Variants in SLC24A2 observed in about 807,000 individuals in gnomAD.
SLC24A2 encodes the protein sodium/potassium/calcium exchanger 2.
In SLC24A2, 36 loss-of-function variants were observed where a neutral mutation model predicts 62.0. The ratio of observed to expected loss-of-function variants is 0.58; its 90% confidence interval spans 0.44 to 0.77. SLC24A2 has a LOEUF of 0.77. Ranked by LOEUF, SLC24A2 falls within the 30% of genes least tolerant of loss-of-function variation. SLC24A2 has a pLI of 0.00. For synonymous variants in SLC24A2, 358 were observed against 294.0 expected (o/e 1.22, Z -2.23); for missense variants, 846 against 817.9 (o/e 1.03, Z -0.42).
the SLC24A2 span, among the ~76,000 whole-genome samples, chr9:20,026,155 TA>T: frequency 6.6e-6 from 1 of 152,126 alleles, no homozygotes. Flanking sequence ...AGACAGAAGT[TA>T]AAAATGCAAC....
chr9:20,034,816 G>T, the SLC24A2 span, among the ~76,000 whole-genome samples: 6 of 152,110 alleles, frequency 3.9e-5, no homozygotes, highest in Admixed American at 3.9e-4. Flanking sequence ...AATGGAACTA[G>T]CACTGATTCC....
chr9:19,912,331 T>G, the SLC24A2 span, among the ~76,000 whole-genome samples: 2 of 152,262 alleles, frequency 1.3e-5, no homozygotes, highest in East Asian at 1.9e-4. Context: ...TAGTGATGGG[T>G]AGCATTTGAA....
the SLC24A2 span, among the ~76,000 whole-genome samples, chr9:20,086,260 T>C: frequency 8.5e-5 from 13 of 152,182 alleles, no homozygotes; most frequent in South Asian, 6.2e-4. Context: ...AAATAGCCCA[T>C]CCTCCCCATT....
the SLC24A2 span, among the ~76,000 whole-genome samples, chr9:20,168,963 T>C: frequency 6.6e-6 from 1 of 151,962 alleles, no homozygotes; most frequent in African/African-American, 2.4e-5. Context: ...TGTCCATCAA[T>C]AGATGAATGC....
chr9:20,052,693 T>C, the SLC24A2 span, among the ~76,000 whole-genome samples: 1 of 152,318 alleles, frequency 6.6e-6, no homozygotes, highest in South Asian at 2.1e-4. Flanking sequence ...CCCTGACTGC[T>C]GTTTCCTGGG....
At position 19,516,408 on chromosome 9, in the gene SLC24A2, C is replaced by T. The variant is rs374451183; in HGVS notation, c.1737-6G>A. 5 of 1,613,360 alleles carry T rather than the reference C, an allele frequency of 3.1e-6. No homozygotes were observed. Among genetic ancestry groups the T allele is most frequent in the Non-Finnish European group, 4.2e-6 (5 of 1,179,862 alleles). On this transcript the variant is annotated splice_polypyrimidine_tract_variant and splice_region_variant and intron_variant, in intron 10 of 10. Transcript: ENST00000341998. ...GGAGCCAGGGCAGTGGGAGCCTGTG[C>T]AGAAGTGAAGCAGGGCAGAGGGGAG... is the stretch of plus-strand genomic sequence containing the variant.
intron 2 of SLC24A2, among the ~76,000 whole-genome samples, chr9:19,769,186 TAC>T (rs1299130701): frequency 6.6e-6 from 1 of 152,224 alleles, no homozygotes; most frequent in African/African-American, 2.4e-5. Flanking sequence ...TTCTTCTAGT[TAC>T]ACAGGACAAA....
At chr9:19,850,389 T>C in the SLC24A2 span, among the ~76,000 whole-genome samples, 19 of 152,160 alleles carry the variant, frequency 1.2e-4, no homozygotes, top group African/African-American at 4.1e-4. Context: ...GATAACAAAC[T>C]TTTTAAATGT....
the SLC24A2 span, among the ~76,000 whole-genome samples, chr9:19,908,783 T>C: frequency 6.6e-6 from 1 of 152,204 alleles, no homozygotes. Context: ...CACACTGAGA[T>C]ACCATCTCAT....
At chr9:19,595,256 T>C (rs936269190) in intron 5 of SLC24A2, among the ~76,000 whole-genome samples, 1 of 152,242 alleles carries the variant, frequency 6.6e-6, no homozygotes, top group African/African-American at 2.4e-5. Context: ...CACTTATTTA[T>C]GGAATCAGCC....
intron 7 of SLC24A2, among the ~76,000 whole-genome samples, chr9:19,558,772 C>T (rs1416469315): frequency 6.6e-6 from 1 of 152,202 alleles, no homozygotes; most frequent in Non-Finnish European, 1.5e-5. Flanking sequence ...TCCTACCTCC[C>T]TCCTCTTTCA....
intron 2 of SLC24A2, among the ~76,000 whole-genome samples, chr9:19,645,944 C>G (rs983432707): frequency 6.6e-6 from 1 of 152,208 alleles, no homozygotes; most frequent in South Asian, 2.1e-4. Flanking sequence ...TGTCTTGTTT[C>G]TGCGTCTTCC....
intron 8 of SLC24A2, among the ~76,000 whole-genome samples, chr9:19,536,357 C>G (rs1344301341): frequency 8.9e-6 from 1 of 112,516 alleles, no homozygotes; most frequent in African/African-American, 3.4e-5. Flanking sequence ...CCCCCTCCCC[C>G]GACCCCACCA....
chr9:19,774,551 G>C (rs1444218107), intron 2 of SLC24A2, among the ~76,000 whole-genome samples: 2 of 152,250 alleles, frequency 1.3e-5, no homozygotes, highest in Non-Finnish European at 2.9e-5. Flanking sequence ...TACGGAAAAA[G>C]AAAACCACCT....
chr9:20,196,319 T>C, the SLC24A2 span, among the ~76,000 whole-genome samples: 5 of 152,198 alleles, frequency 3.3e-5, no homozygotes, highest in Non-Finnish European at 7.3e-5. Flanking sequence ...TGAAGTGAAG[T>C]GAAATGCCCC....
the SLC24A2 span, among the ~76,000 whole-genome samples, chr9:20,028,369 A>G: frequency 6.6e-6 from 1 of 152,204 alleles, no homozygotes; most frequent in East Asian, 1.9e-4. Flanking sequence ...AGAGGGGTTC[A>G]ATACTTTTAA....
chr9:20,282,561 G>C, the SLC24A2 span, among the ~76,000 whole-genome samples: 1 of 152,166 alleles, frequency 6.6e-6, no homozygotes, highest in African/African-American at 2.4e-5. Flanking sequence ...ATTCAGGCCT[G>C]ACAGATGCCA....
At chr9:19,882,242 C>G in the SLC24A2 span, among the ~76,000 whole-genome samples, 50,824 of 151,624 alleles carry the variant, frequency 0.34, 8,710 homozygotes, top group Middle Eastern at 0.45. Flanking sequence ...TCACCACACC[C>G]TGGCCAATAC....
At chr9:20,292,136 G>A in the SLC24A2 span, among the ~76,000 whole-genome samples, 1 of 152,198 alleles carries the variant, frequency 6.6e-6, no homozygotes, top group Non-Finnish European at 1.5e-5. Flanking sequence ...CTGACACGAT[G>A]CTGGAGCCAG....
Sources: allele counts gnomAD v4.1 joint callset (sites outside exome capture counted in the v4.1 genomes callset), GRCh38; gene constraint gnomAD v4.1.1; transcripts MANE v1.5; gene names NCBI Gene and HGNC (gene_info 2026-07-23, HGNC 2026-07-21).